ADGRD1: variants seen among roughly 807,000 people sequenced by gnomAD.
The protein encoded by ADGRD1 is G-protein coupled receptor 133.
In ADGRD1, 77 loss-of-function variants were observed where a neutral mutation model predicts 113.4. The observed-to-expected ratio is 0.68, with a 90% confidence interval of 0.57 to 0.82. The LOEUF is 0.82. Among genes scored for constraint, ADGRD1 ranks in the 40% least tolerant of loss-of-function variants. ADGRD1 has a pLI of 0.00. For missense variants in ADGRD1, 1,036 were observed against 1,139.1 expected (o/e 0.91, Z 1.30); for synonymous variants, 474 against 475.0 (o/e 1.00, Z 0.03).
rs1040506656 is a variant in ADGRD1 at position 131,041,720 on chromosome 12, G to T, written c.1473+27380G>T. 6.6e-6 allele frequency among the ~76,000 whole-genome samples: 1 copy of T among 152,164 alleles called. No homozygotes were observed. Among genetic ancestry groups the T allele is most frequent in the African/African-American group, 2.4e-5 (1 of 41,446 alleles). ...ATGCATGAATCAGGGAGCAGTTCCC[G>T]GGGAACACACTGCACGCTGTTGCCG... On this transcript the variant is annotated intron_variant, in intron 13 of 24. Transcript: ENST00000261654. This position sits in a 1 kb window ranked among gnomAD's most constrained non-coding sequence, Gnocchi z 4.4.
chr12:131,017,628 G>T (rs1878760647), intron 13 of ADGRD1, among the ~76,000 whole-genome samples: 1 of 144,782 alleles, frequency 6.9e-6, no homozygotes, highest in African/African-American at 2.6e-5. Context: ...CAAACACCTA[G>T]TGCACACACA....
intron 12 of ADGRD1, among the ~76,000 whole-genome samples, chr12:131,013,880 A>G (rs1343759787): frequency 6.6e-6 from 1 of 152,144 alleles, no homozygotes; most frequent in East Asian, 1.9e-4. Flanking sequence ...GGGCCATCTT[A>G]CTTTTCTTAT....
intron 15 of ADGRD1, among the ~76,000 whole-genome samples, chr12:131,085,351 G>T (rs1041721400): frequency 1.3e-5 from 2 of 152,178 alleles, no homozygotes; most frequent in African/African-American, 4.8e-5. Flanking sequence ...AAGTGCACAG[G>T]ACAAGGGGCA....
intron 4 of ADGRD1, chr12:130,978,745 A>G (rs1276187135): frequency 2.0e-5 from 3 of 152,228 alleles, no homozygotes; most frequent in Admixed American, 2.0e-4. Context: ...ACAGAAAGAC[A>G]TTTGGCCAAG....
intron 7 of ADGRD1, 69 bp from the exon 8 acceptor site, chr12:130,992,168 A>T: frequency 8.7e-7 from 1 of 1,147,452 alleles, no homozygotes; most frequent in Non-Finnish European, 1.3e-6. Flanking sequence ...AGAGTAGGAC[A>T]CATTAAACTT....
At chr12:130,996,548 C>G (rs1300528889) in intron 8 of ADGRD1, among the ~76,000 whole-genome samples, 6 of 136,512 alleles carry the variant, frequency 4.4e-5, no homozygotes, top group Non-Finnish European at 9.7e-5. Flanking sequence ...CTCCACCTCC[C>G]TCCCGGACGG....
At chr12:130,960,774 A>G (rs1870256962) in intron 2 of ADGRD1, among the ~76,000 whole-genome samples, 1 of 152,150 alleles carries the variant, frequency 6.6e-6, no homozygotes, top group Non-Finnish European at 1.5e-5. Flanking sequence ...GACAACACAC[A>G]AATATACTAA....
At chr12:131,046,642 AGT>A (rs1233943285) in intron 13 of ADGRD1, among the ~76,000 whole-genome samples, 1 of 120,132 alleles carries the variant, frequency 8.3e-6, no homozygotes, top group African/African-American at 3.5e-5. Flanking sequence ...CTCCCTGGTC[AGT>A]GCTCCCTCCC....
intron 13 of ADGRD1, among the ~76,000 whole-genome samples, chr12:131,039,652 C>T (rs1272760622): frequency 3.3e-5 from 5 of 152,214 alleles, no homozygotes; most frequent in East Asian, 1.9e-4. Flanking sequence ...AAACATGGGG[C>T]GCACCCACCC....
intron 13 of ADGRD1, among the ~76,000 whole-genome samples, chr12:131,073,120 G>A (rs1260974383): frequency 6.6e-6 from 1 of 152,178 alleles, no homozygotes; most frequent in Non-Finnish European, 1.5e-5. Flanking sequence ...TCAGGGTCCT[G>A]CCCACCTCCC....
At chr12:130,996,741 T>C in intron 8 of ADGRD1, among the ~76,000 whole-genome samples, 1 of 89,558 alleles carries the variant, frequency 1.1e-5, no homozygotes, top group African/African-American at 4.3e-5. Context: ...ACGGGGTGGC[T>C]GGCCGGGCAG....
intron 9 of ADGRD1, among the ~76,000 whole-genome samples, chr12:131,001,912 CATT>C (rs1168751858): frequency 1.3e-5 from 2 of 152,154 alleles, no homozygotes; most frequent in African/African-American, 4.8e-5. Flanking sequence ...TTTATTCTCT[CATT>C]ATTAATAAGA....
chr12:131,002,555 C>T lies in ADGRD1; in HGVS notation c.1027-630C>T, dbSNP rs943387868. On this transcript the variant is annotated intron_variant, in intron 9 of 24. Coordinates refer to ENST00000261654, the MANE Select transcript of ADGRD1 (RefSeq NM_198827.5). ...AGCTCACTGGCCCAGCTCAGCAGGG[C>T]TTAAGAGAGGCCTCTCCCCTGGTGA... The T allele has an allele frequency of 1.6e-5, 16 of 1,027,976 alleles. No homozygotes were observed. The East Asian group carries it at 5.5e-4, about 35-fold the overall frequency. The allele number at this position is 1,027,976 out of a possible 1,614,324, so 63.7% of individuals were successfully genotyped here. A position where few individuals can be genotyped will look rare whatever the true frequency, so the allele number is the denominator to read the frequency against.
At chr12:131,070,830 G>T in intron 13 of ADGRD1, 1 of 519,032 alleles carries the variant, frequency 1.9e-6, no homozygotes, top group Non-Finnish European at 3.8e-6. Flanking sequence ...AGGTTGGCTG[G>T]CCTCTAGTGC....
intron 14 of ADGRD1, among the ~76,000 whole-genome samples, chr12:131,081,258 A>G (rs1886052405): frequency 6.6e-6 from 1 of 152,070 alleles, no homozygotes; most frequent in Non-Finnish European, 1.5e-5. Context: ...TTTAATTGAC[A>G]TGTTTAGACA....
intron 14 of ADGRD1, among the ~76,000 whole-genome samples, chr12:131,079,995 T>C (rs1193063108): frequency 6.6e-6 from 1 of 152,182 alleles, no homozygotes; most frequent in Non-Finnish European, 1.5e-5. Context: ...TTGTCTTTAA[T>C]TTACTTCCTT....
intron 5 of ADGRD1, among the ~76,000 whole-genome samples, chr12:130,985,388 C>A (rs986925723): frequency 1.3e-5 from 2 of 152,124 alleles, no homozygotes; most frequent in African/African-American, 4.8e-5. Context: ...TCAATTATTT[C>A]TTTCATGGAT....
chr12:131,072,363 C>A (rs970071155), intron 13 of ADGRD1, among the ~76,000 whole-genome samples: 1 of 152,186 alleles, frequency 6.6e-6, no homozygotes, highest in Non-Finnish European at 1.5e-5. Context: ...TTGGCAAAAA[C>A]CATGTTTCCT....
chr12:131,039,144 C>A (rs1164093790), intron 13 of ADGRD1, among the ~76,000 whole-genome samples: 1 of 152,118 alleles, frequency 6.6e-6, no homozygotes, highest in Non-Finnish European at 1.5e-5. Flanking sequence ...CAGGCCACTG[C>A]CCGCTGAGCC....
Sources: allele counts gnomAD v4.1 joint callset (sites outside exome capture counted in the v4.1 genomes callset), GRCh38; gene constraint gnomAD v4.1.1; non-coding constraint Gnocchi (gnomAD v3.1); transcripts MANE v1.5; gene names NCBI Gene and HGNC (gene_info 2026-07-23, HGNC 2026-07-21).